Variants in HMCN2 observed in about 807,000 individuals in gnomAD.
HMCN2 encodes hemicentin 2, also known as hemicentin-2.
A neutral mutation model predicts 377.5 loss-of-function variants in HMCN2; 325 were observed. The ratio of observed to expected loss-of-function variants is 0.86; its 90% CI spans 0.79 to 0.94. The LOEUF is 0.94. Among genes scored for constraint, HMCN2 ranks in the 40% least tolerant of loss-of-function variants. The pLI is 0.00. For synonymous variants in HMCN2, 2,007 were observed against 2,046.8 expected (o/e 0.98, Z 0.53); for missense variants, 4,543 against 4,725.3 (o/e 0.96, Z 1.13).
rs1223044230 is a variant in HMCN2, at chr9:130,402,846, C to T, written c.11828C>T (p.Ala3943Val). Residue 3943 changes from alanine (A) to valine (V), a missense_variant, in exon 78 of 98, where the codon GCC becomes GTC. This residue lies in a region of HMCN2 where 1,073 missense variants were observed against 1,319.5 expected (regional missense o/e 0.81). Coordinates refer to ENST00000683500, the MANE Select transcript of HMCN2 (RefSeq NM_001291815.2). ...PIHAGRYTCS[A>V]RNSAGVAHKH... ...CACGCAGGCCGCTACACCTGCTCAG[C>T]CCGCAACTCTGCCGGCGTAGCCCAC... 5 of 1,289,704 alleles carry T rather than the reference C, an allele frequency of 3.9e-6. No individual in the cohort carries two copies. The highest frequency in any genetic ancestry group is 1.5e-5 in the African/African-American group (1 of 65,864). The allele number at this position is 1,289,704 out of a possible 1,614,324, so 79.9% of individuals were successfully genotyped here.
intron 88 of HMCN2, 40 bp from the exon 89 acceptor site, chr9:130,424,969 C>T (rs1564883101): frequency 1.3e-6 from 2 of 1,513,448 alleles, no homozygotes; most frequent in Non-Finnish European, 1.8e-6. Context: ...CGCCCAGGAC[C>T]TCCCGTGGTG....
intron 85 of HMCN2, among the ~76,000 whole-genome samples, chr9:130,412,567 C>CTTTTTTTT (rs55873444): frequency 1.5e-5 from 2 of 134,512 alleles, no homozygotes; most frequent in African/African-American, 2.7e-5. Flanking sequence ...CTTTCTTTCT[C>CTTTTTTTT]TTTTTTTTTT....
At chr9:130,373,515 G>A (rs954987775) in intron 48 of HMCN2, among the ~76,000 whole-genome samples, 2 of 149,756 alleles carry the variant, frequency 1.3e-5, no homozygotes, top group African/African-American at 4.9e-5. Flanking sequence ...TTGTCACCAT[G>A]GTTTCCCCAG....
At chr9:130,413,991 CA>C (rs33963612) in intron 85 of HMCN2, among the ~76,000 whole-genome samples, 18,929 of 136,468 alleles carry the variant, frequency 0.14, 1,303 homozygotes, top group Non-Finnish European at 0.17. Context: ...ACCAAAAATA[CA>C]AAAAAAAAAA....
intron 3 of HMCN2, 146 bp downstream of exon 3, chr9:130,285,462 A>AT: frequency 2.7e-6 from 1 of 368,118 alleles, no homozygotes; most frequent in Admixed American, 3.4e-5. Context: ...TCTGCCATGC[A>AT]TGGCCAGAGC....
Position 130,425,866 on chromosome 9 carries a change from G to T in HMCN2, c.13821G>T (p.Ser4607=). The change falls in exon 90 of 98, where the codon TCG becomes TCT. Residue 4607 remains serine (S), a synonymous_variant. Transcript: ENST00000683500. ...VQHLRASAIS[S]AFDPEAEALR... is the part of the protein sequence containing the mutation. ...ACCTGCGGGCCTCAGCTATCAGCTC[G>T]GCCTTTGATCCAGAGGCCGAGGCCC... 1 of 1,550,342 alleles carries T rather than the reference G, an allele frequency of 6.5e-7. No individual in the cohort carries two copies.
At chr9:130,309,103 T>C (rs1480277721) in intron 14 of HMCN2, among the ~76,000 whole-genome samples, 7 of 152,248 alleles carry the variant, frequency 4.6e-5, no homozygotes, top group East Asian at 1.9e-4. Flanking sequence ...GTCAATCTTA[T>C]GTTATGCATA....
chr9:130,406,254 G>A (rs746906241), intron 82 of HMCN2, 86 bp downstream of exon 82: 6 of 1,132,468 alleles, frequency 5.3e-6, no homozygotes, highest in South Asian at 2.6e-5. Flanking sequence ...ACCCAACCTA[G>A]TGGAAAGGAA....
intron 4 of HMCN2, among the ~76,000 whole-genome samples, chr9:130,288,729 T>A (rs1554928914): frequency 6.6e-6 from 1 of 152,238 alleles, no homozygotes; most frequent in Non-Finnish European, 1.5e-5. Flanking sequence ...GAGTTGGCCA[T>A]CAGTCACAGC....
intron 76 of HMCN2, 138 bp from the exon 77 acceptor site, chr9:130,400,645 C>A: frequency 2.4e-6 from 1 of 425,004 alleles, no homozygotes; most frequent in Non-Finnish European, 3.7e-6. Flanking sequence ...GCAAATGTGA[C>A]TTCTCCCTCT....
intron 37 of HMCN2, among the ~76,000 whole-genome samples, chr9:130,359,676 G>T (rs1840254898): frequency 6.6e-6 from 1 of 152,200 alleles, no homozygotes; most frequent in Non-Finnish European, 1.5e-5. Context: ...GGGGCTAGGG[G>T]CGAGGATCAG....
At position 130,393,757 on chromosome 9, in the gene HMCN2, A is replaced by T; in HGVS notation, c.10250A>T (p.Glu3417Val). The change falls in exon 68 of 98, where the codon GAG becomes GTG. Residue 3417 changes from glutamate (E) to valine (V), a missense_variant. Around this residue, in one of 5 missense-constraint regions of HMCN2, gnomAD observed 1,073 missense variants for 1,319.5 expected, o/e 0.81. Transcript: ENST00000683500. The surrounding 1 kb of genome is among the most constrained non-coding windows in gnomAD (Gnocchi z 5.2). ...CCCTCCATAGTGCCCCCTGTCCTGG[A>T]GCCGGTGGAGTTCCAGAATGACGTG... ...TLQVQVPPVL[E>V]PVEFQNDVVV... 7.9e-7 allele frequency: 1 copy of T among 1,265,822 alleles called. No individual in the cohort carries two copies. 78.4% of individuals were successfully genotyped at this position (1,265,822 alleles called of 1,614,324 possible). A position where few individuals can be genotyped will look rare whatever the true frequency, so the allele number is the denominator to read the frequency against.
At position 130,393,379 on chromosome 9, in the gene HMCN2, CT is replaced by C; in HGVS notation, c.10234+71del. ...GTGAGAATCAAGGCCCTTGGCCCCC[CT>C]GCCCTTCTGGGTGGAACCAAGGATG... On this transcript the variant is annotated intron_variant, in intron 67 of 97. Coordinates refer to ENST00000683500, the MANE Select transcript of HMCN2 (RefSeq NM_001291815.2). This position sits in a 1 kb window ranked among gnomAD's most constrained non-coding sequence, Gnocchi z 5.2. 2 of 948,430 alleles carry C rather than the reference CT, an allele frequency of 2.1e-6. No individual in the cohort carries two copies. The highest frequency in any genetic ancestry group is 2.5e-6 in the Non-Finnish European group (2 of 792,058). 58.8% of individuals were successfully genotyped at this position (948,430 alleles called of 1,614,324 possible). A position where few individuals can be genotyped will look rare whatever the true frequency, so the allele number is the denominator to read the frequency against.
chr9:130,424,694 G>A (rs1406011747), intron 87 of HMCN2, 82 bp from the exon 88 acceptor site: 3 of 1,393,616 alleles, frequency 2.2e-6, no homozygotes, highest in Non-Finnish European at 2.8e-6. Flanking sequence ...GGGGCAGTGG[G>A]GAGCCATGAC....
intron 25 of HMCN2, among the ~76,000 whole-genome samples, chr9:130,342,704 G>A (rs926364514): frequency 9.2e-5 from 14 of 152,170 alleles, no homozygotes; most frequent in Non-Finnish European, 1.8e-4. Context: ...GTGGACAAGT[G>A]TGACCCCTGC....
At chr9:130,420,371 G>T (rs540708728) in intron 86 of HMCN2, among the ~76,000 whole-genome samples, 24 of 151,864 alleles carry the variant, frequency 1.6e-4, no homozygotes, top group Non-Finnish European at 2.6e-4. Context: ...ACCGCGCCCG[G>T]CCCGTCCCAC....
rs536998843 is a variant in HMCN2 at position 130,418,783 on chromosome 9, T to C, written c.12973T>C (p.Phe4325Leu). 1.5e-5 allele frequency: 21 copies of C among 1,446,234 alleles called. No individual in the cohort carries two copies. In the African/African-American group the frequency reaches 2.7e-4, roughly 19 times the overall value. 89.6% of individuals were successfully genotyped at this position (1,446,234 alleles called of 1,614,324 possible). Residue 4325 changes from phenylalanine (F) to leucine (L), a missense_variant, in exon 86 of 98, where the codon TTC becomes CTC. By Grantham distance (22) the Phe-to-Leu change is conservative. Around this residue, in one of 5 missense-constraint regions of HMCN2, gnomAD observed 1,155 missense variants for 1,157.7 expected, o/e 1.00. Coordinates refer to ENST00000683500, the MANE Select transcript of HMCN2 (RefSeq NM_001291815.2). Reference protein sequence around the residue: ...VILVLQSAPVFQVEPQDMTVR... With the variant: ...VILVLQSAPVLQVEPQDMTVR... ...TGGGCCTCCCACAGGTGCTCCGGTG[T>C]TCCAGGTGGAGCCCCAGGACATGAC...
At chr9:130,309,280 G>A (rs191968987) in intron 14 of HMCN2, among the ~76,000 whole-genome samples, 19 of 152,216 alleles carry the variant, frequency 1.2e-4, no homozygotes, top group African/African-American at 3.6e-4. Context: ...TTGGGAGCCC[G>A]AGGTGGGCAG....
In HMCN2 at chr9:130,393,884, G is replaced by C; in HGVS notation, c.10377G>C (p.Gln3459His). Residue 3459 changes from glutamine to histidine, a missense_variant, in exon 68 of 98, where the codon CAG becomes CAC. Physicochemically the swap from Gln to His is conservative, Grantham distance 24 (BLOSUM62 0). Around this residue, in one of 5 missense-constraint regions of HMCN2, gnomAD observed 1,073 missense variants for 1,319.5 expected, o/e 0.81. Coordinates refer to ENST00000683500, the MANE Select transcript of HMCN2 (RefSeq NM_001291815.2). This position sits in a 1 kb window ranked among gnomAD's most constrained non-coding sequence, Gnocchi z 5.2. ...AGGATGGGGAACCCTTGTTGTCCCA[G>C]AGCCTCGAGCAGGGGCCCAGCCTGC... ...WMKDGEPLLSQSLEQGPSLQL... is the reference protein window; with the variant it reads ...WMKDGEPLLSHSLEQGPSLQL... 1.6e-6 allele frequency: 2 copies of C among 1,289,676 alleles called. No individual in the cohort carries two copies. Among genetic ancestry groups the C allele is most frequent in the Non-Finnish European group, 2.0e-6 (2 of 988,812 alleles). The allele number at this position is 1,289,676 out of a possible 1,614,324, so 79.9% of individuals were successfully genotyped here.
Sources: gnomAD v4.1 joint callset for allele counts (sites outside exome capture counted in the v4.1 genomes callset) on GRCh38, gnomAD v4.1.1 for gene constraint, gnomAD v4.1.1 regional missense constraint, Gnocchi (gnomAD v3.1) non-coding constraint, MANE v1.5 for transcripts, NCBI Gene and HGNC (gene_info 2026-07-23, HGNC 2026-07-21) for gene names.